GRIK4: variants seen among roughly 807,000 people sequenced by gnomAD.
GRIK4 encodes the protein glutamate ionotropic receptor kainate type subunit 4.
GRIK4 carries 40 observed loss-of-function variants against 104.9 expected under a neutral mutation model. The ratio of observed to expected loss-of-function variants is 0.38; its 90% confidence interval spans 0.30 to 0.50. The LOEUF is 0.50. GRIK4 is among the 20% of genes least tolerant of loss of function. The probability of loss-of-function intolerance (pLI) is 0.93; values close to 1 mark genes in which losing one functional copy is unlikely to be tolerated. For synonymous variants in GRIK4, 485 were observed against 524.9 expected (o/e 0.92, Z 1.04); for missense variants, 1,047 against 1,308.1 (o/e 0.80, Z 3.08).
chr11:120,696,912 G>A lies in GRIK4; in HGVS notation c.82+36512G>A, dbSNP rs184678534. On this transcript the variant is annotated intron_variant, in intron 3 of 20. Transcript: ENST00000527524. ...CTTCATTTTCCAGAAGATAAACTGC[G>A]CTATGGGCAAAGATATGACTGTTGT... Among the ~76,000 whole-genome samples the A allele has an allele frequency of 9.1e-4, 138 of 152,298 alleles. 1 individual carries two copies. The highest frequency in any genetic ancestry group is 3.1e-3 in the African/African-American group (128 of 41,566).
intron 3 of GRIK4, among the ~76,000 whole-genome samples, chr11:120,786,250 A>G (rs527411306): frequency 6.6e-6 from 1 of 152,292 alleles, no homozygotes; most frequent in South Asian, 2.1e-4. Context: ...TTCTTGAGTC[A>G]TGGCAGCCCT....
chr11:120,964,517 C>A (rs912777953), intron 18 of GRIK4, among the ~76,000 whole-genome samples: 1 of 152,126 alleles, frequency 6.6e-6, no homozygotes, highest in South Asian at 2.1e-4. Flanking sequence ...GATATACTCG[C>A]TGACATTTTG....
chr11:120,833,512 A>G (rs984950486), intron 7 of GRIK4, among the ~76,000 whole-genome samples: 5 of 152,154 alleles, frequency 3.3e-5, no homozygotes, highest in Admixed American at 6.6e-5. Context: ...CCCTTGTGGA[A>G]GGTAGCTCAG....
At chr11:120,726,620 T>C (rs1421773969) in intron 3 of GRIK4, among the ~76,000 whole-genome samples, 1 of 152,180 alleles carries the variant, frequency 6.6e-6, no homozygotes, top group Non-Finnish European at 1.5e-5. Context: ...GTGGTGCCAT[T>C]TATTGAGATG....
rs184388052 is a variant in GRIK4 at position 120,674,902 on chromosome 11, C to T, written c.82+14502C>T. 2.6e-5 allele frequency among the ~76,000 whole-genome samples: 4 copies of T among 152,354 alleles called. No individual in the cohort carries two copies. In the East Asian group the frequency reaches 5.8e-4, roughly 22 times the overall value. ...TGGGCAGCCACCCAGAAATCTCAGG[C>T]ATGCAGCCTGGAGAAGAGGGAGAAC... On this transcript the variant is annotated intron_variant, in intron 3 of 20. Coordinates refer to ENST00000527524, the MANE Select transcript of GRIK4 (RefSeq NM_014619.5).
intron 11 of GRIK4, among the ~76,000 whole-genome samples, chr11:120,884,721 A>C (rs941189337): frequency 6.6e-6 from 1 of 152,254 alleles, no homozygotes; most frequent in African/African-American, 2.4e-5. Flanking sequence ...CCTGCCCGAC[A>C]GAGCGCTGCT....
intron 1 of GRIK4, among the ~76,000 whole-genome samples, chr11:120,512,770 C>T: frequency 6.6e-6 from 1 of 152,144 alleles, no homozygotes; most frequent in East Asian, 1.9e-4. Context: ...GTTCAAGGCA[C>T]TGAGAGCACC....
chr11:120,855,952 C>T (rs1184958268), intron 8 of GRIK4, among the ~76,000 whole-genome samples: 4 of 152,362 alleles, frequency 2.6e-5, no homozygotes, highest in East Asian at 1.9e-4. Context: ...AAGAGGAAGG[C>T]GAAGCCTCCA....
intron 3 of GRIK4, among the ~76,000 whole-genome samples, chr11:120,724,342 C>T (rs1950990875): frequency 6.6e-6 from 1 of 152,118 alleles, no homozygotes; most frequent in Non-Finnish European, 1.5e-5. Flanking sequence ...GATAGTATTC[C>T]ACTGTTCAAA....
At chr11:120,670,114 C>G (rs1430761388) in intron 3 of GRIK4, among the ~76,000 whole-genome samples, 1 of 152,222 alleles carries the variant, frequency 6.6e-6, no homozygotes, top group Non-Finnish European at 1.5e-5. Context: ...TCCTCTCTAT[C>G]AACAGTCCTG....
chr11:120,837,483 C>A (rs927370608), intron 8 of GRIK4, among the ~76,000 whole-genome samples: 4 of 152,102 alleles, frequency 2.6e-5, no homozygotes, highest in Non-Finnish European at 4.4e-5. Flanking sequence ...AAATACCTGC[C>A]CCATTGTTGG....
intron 3 of GRIK4, among the ~76,000 whole-genome samples, chr11:120,796,957 G>A (rs921783313): frequency 6.6e-5 from 10 of 152,028 alleles, no homozygotes; most frequent in Admixed American, 3.3e-4. Flanking sequence ...TTTGGGGGGC[G>A]GAGAAGGGCA....
At chr11:120,755,881 C>T (rs967115854) in intron 3 of GRIK4, among the ~76,000 whole-genome samples, 1 of 152,128 alleles carries the variant, frequency 6.6e-6, no homozygotes, top group East Asian at 1.9e-4. Context: ...GGTAGGTAAA[C>T]TATTATTGTC....
At chr11:120,755,323 A>G (rs971453043) in intron 3 of GRIK4, among the ~76,000 whole-genome samples, 1 of 152,068 alleles carries the variant, frequency 6.6e-6, no homozygotes, top group African/African-American at 2.4e-5. Flanking sequence ...ACTGTTTAAA[A>G]AGCATTTACT....
rs1256121530 is a variant in GRIK4 at position 120,905,572 on chromosome 11, A to G, written c.1476+79A>G. The G allele has an allele frequency of 8.7e-6, 8 of 918,144 alleles. No individual in the cohort carries two copies. The highest frequency in any genetic ancestry group is 3.2e-4 in the Middle Eastern group (1 of 3,118). The allele number at this position is 918,144 out of a possible 1,614,324, so 56.9% of individuals were successfully genotyped here. A position where few individuals can be genotyped will look rare whatever the true frequency, so the allele number is the denominator to read the frequency against. ...GAGCATGAGGTTGTGCTGCACGCTCATGAACCCTCCATTTGTTCAGTCAAT... is the reference window on the plus strand; with the variant it reads ...GAGCATGAGGTTGTGCTGCACGCTCGTGAACCCTCCATTTGTTCAGTCAAT... On this transcript the variant is annotated intron_variant, in intron 13 of 20. Coordinates refer to ENST00000527524, the MANE Select transcript of GRIK4 (RefSeq NM_014619.5). This position sits in a 1 kb window ranked among gnomAD's most constrained non-coding sequence, Gnocchi z 5.1.
intron 15 of GRIK4, among the ~76,000 whole-genome samples, chr11:120,955,963 C>G (rs530967465): frequency 1.3e-5 from 2 of 152,288 alleles, no homozygotes; most frequent in African/African-American, 4.8e-5. Context: ...GGCCTCACCC[C>G]AGACTTACCA....
chr11:120,537,787 A>G (rs1239659544), intron 1 of GRIK4, among the ~76,000 whole-genome samples: 2 of 152,046 alleles, frequency 1.3e-5, no homozygotes, highest in Non-Finnish European at 2.9e-5. Context: ...GAATGAGGGG[A>G]TCTGTTGTAG....
intron 13 of GRIK4, among the ~76,000 whole-genome samples, chr11:120,933,318 G>C (rs1439554354): frequency 6.6e-6 from 1 of 152,214 alleles, no homozygotes; most frequent in African/African-American, 2.4e-5. Context: ...ATAAGCCCTT[G>C]CTAAGATGAT....
At chr11:120,663,301 G>A (rs1207775168) in intron 3 of GRIK4, among the ~76,000 whole-genome samples, 1 of 152,114 alleles carries the variant, frequency 6.6e-6, no homozygotes, top group Non-Finnish European at 1.5e-5. Flanking sequence ...TGCTCATCTT[G>A]CAAATGAGGA....
Sources: gnomAD v4.1 joint callset for allele counts (sites outside exome capture counted in the v4.1 genomes callset) on GRCh38, gnomAD v4.1.1 for gene constraint, Gnocchi (gnomAD v3.1) non-coding constraint, MANE v1.5 for transcripts, NCBI Gene and HGNC (gene_info 2026-07-23, HGNC 2026-07-21) for gene names.